NLGN1: variants seen among roughly 807,000 people sequenced by gnomAD.
The protein encoded by NLGN1 is neuroligin 1, also known as neuroligin-1.
In NLGN1, 12 loss-of-function variants were observed where a neutral mutation model predicts 65.5. The observed-to-expected ratio is 0.18, with a 90% confidence interval of 0.12 to 0.30. The LOEUF is 0.30. Ranked by LOEUF, NLGN1 falls within the 10% of genes least tolerant of loss-of-function variation. The pLI is 1.00. For synonymous variants in NLGN1, 350 were observed against 359.5 expected, an observed-to-expected ratio of 0.97 and a Z score of 0.30; for missense variants, 750 against 1,007.1, an observed-to-expected ratio of 0.74 and a Z score of 3.46.
intron 3 of NLGN1, among the ~76,000 whole-genome samples, chr3:173,687,737 G>A (rs1038699844): frequency 1.3e-5 from 2 of 152,180 alleles, no homozygotes; most frequent in Non-Finnish European, 2.9e-5. Flanking sequence ...GTCTTTGAAA[G>A]TTGTGTCAGA....
At chr3:174,151,577 T>G (rs1201905872) in intron 4 of NLGN1, among the ~76,000 whole-genome samples, 1 of 151,754 alleles carries the variant, frequency 6.6e-6, no homozygotes, top group Non-Finnish European at 1.5e-5. Flanking sequence ...ACAGACAGAT[T>G]AAGTTTCTAT....
intron 3 of NLGN1, among the ~76,000 whole-genome samples, chr3:173,700,783 T>G (rs1438492538): frequency 2.0e-5 from 3 of 152,168 alleles, no homozygotes; most frequent in African/African-American, 4.8e-5. Flanking sequence ...AATGCTAATG[T>G]GTATGTTTGA....
chr3:174,118,531 T>G (rs1345482066), intron 4 of NLGN1, among the ~76,000 whole-genome samples: 1 of 152,096 alleles, frequency 6.6e-6, no homozygotes, highest in Non-Finnish European at 1.5e-5. Context: ...GCAATAAATG[T>G]TAAGATTTAA....
intron 4 of NLGN1, among the ~76,000 whole-genome samples, chr3:173,992,332 A>G (rs1721294036): frequency 6.6e-6 from 1 of 152,050 alleles, no homozygotes; most frequent in Non-Finnish European, 1.5e-5. Flanking sequence ...GACTCAATTG[A>G]AAAAACAGTG....
intron 2 of NLGN1, among the ~76,000 whole-genome samples, chr3:173,444,324 T>G (rs1234756792): frequency 6.6e-6 from 1 of 152,204 alleles, no homozygotes; most frequent in African/African-American, 2.4e-5. Flanking sequence ...CAGGTAATGC[T>G]GCTCATCAAA....
intron 3 of NLGN1, among the ~76,000 whole-genome samples, chr3:173,694,516 G>A (rs1260458061): frequency 6.6e-6 from 1 of 152,050 alleles, no homozygotes; most frequent in Non-Finnish European, 1.5e-5. Flanking sequence ...CTCTCATATT[G>A]CCTTGTGTGA....
At chr3:173,495,110 G>A (rs1357958888) in intron 2 of NLGN1, among the ~76,000 whole-genome samples, 1 of 151,710 alleles carries the variant, frequency 6.6e-6, no homozygotes, top group Non-Finnish European at 1.5e-5. Context: ...TATATTAACA[G>A]TGTTAAGTCT....
chr3:173,580,457 C>A (rs1477011675), intron 2 of NLGN1, among the ~76,000 whole-genome samples: 1 of 151,870 alleles, frequency 6.6e-6, no homozygotes, highest in Non-Finnish European at 1.5e-5. Context: ...AAGAAATTAG[C>A]AAGCCCATCT....
chr3:173,852,972 T>G (rs1274884942), intron 4 of NLGN1, among the ~76,000 whole-genome samples: 1 of 152,196 alleles, frequency 6.6e-6, no homozygotes, highest in East Asian at 1.9e-4. Flanking sequence ...ATTTGTAGCC[T>G]TCAAATCCAC....
chr3:174,256,677 C>T (rs1745831914), intron 4 of NLGN1, among the ~76,000 whole-genome samples: 1 of 152,090 alleles, frequency 6.6e-6, no homozygotes, highest in Non-Finnish European at 1.5e-5. Context: ...TACCCCTATA[C>T]TCCAAAACTT....
intron 3 of NLGN1, among the ~76,000 whole-genome samples, chr3:173,631,142 A>G (rs1252830943): frequency 6.6e-6 from 1 of 152,160 alleles, no homozygotes; most frequent in Non-Finnish European, 1.5e-5. Flanking sequence ...GTTATTTTAA[A>G]TTAAATTTGT....
intron 3 of NLGN1, among the ~76,000 whole-genome samples, chr3:173,613,388 C>A (rs991830631): frequency 5.3e-5 from 8 of 152,062 alleles, no homozygotes; most frequent in African/African-American, 1.9e-4. Flanking sequence ...AATGAATTTT[C>A]TGTGCCCTCC....
intron 4 of NLGN1, among the ~76,000 whole-genome samples, chr3:174,004,221 G>A (rs1005039162): frequency 5.9e-5 from 9 of 152,064 alleles, no homozygotes; most frequent in African/African-American, 2.2e-4. Context: ...ACATTAGTTA[G>A]AATCATTTAA....
chr3:173,456,637 A>G (rs976490590), intron 2 of NLGN1, among the ~76,000 whole-genome samples: 1 of 152,166 alleles, frequency 6.6e-6, no homozygotes, highest in African/African-American at 2.4e-5. Context: ...GGGGCCATTT[A>G]TGGAGGTGTA....
intron 4 of NLGN1, among the ~76,000 whole-genome samples, chr3:174,018,174 C>T (rs1044602289): frequency 6.6e-6 from 1 of 152,186 alleles, no homozygotes; most frequent in Non-Finnish European, 1.5e-5. Flanking sequence ...CCGTCTGGCT[C>T]TCAGGCAGCC....
At chr3:174,005,448 A>G (rs1724170190) in intron 4 of NLGN1, among the ~76,000 whole-genome samples, 1 of 152,170 alleles carries the variant, frequency 6.6e-6, no homozygotes, top group Admixed American at 6.6e-5. Flanking sequence ...AAATGAATGT[A>G]CCAATGAAAT....
chr3:173,975,398 C>T (rs1717208403), intron 4 of NLGN1, among the ~76,000 whole-genome samples: 1 of 151,856 alleles, frequency 6.6e-6, no homozygotes, highest in Non-Finnish European at 1.5e-5. Context: ...GAGAGAATGA[C>T]AAGACAAGAA....
intron 2 of NLGN1, among the ~76,000 whole-genome samples, chr3:173,479,696 C>T (rs1481950241): frequency 6.6e-6 from 1 of 151,828 alleles, no homozygotes; most frequent in Non-Finnish European, 1.5e-5. Context: ...TATAGAGACC[C>T]CAGACAAGAC....
At chr3:173,841,920 A>G (rs1213412483) in intron 4 of NLGN1, among the ~76,000 whole-genome samples, 2 of 152,206 alleles carry the variant, frequency 1.3e-5, no homozygotes, top group Non-Finnish European at 2.9e-5. Context: ...TAAGAAATAT[A>G]TGCTTAATGG....
Sources: gnomAD v4.1 joint callset for allele counts (sites outside exome capture counted in the v4.1 genomes callset) on GRCh38, gnomAD v4.1.1 for gene constraint, MANE v1.5 for transcripts, NCBI Gene and HGNC (gene_info 2026-07-23, HGNC 2026-07-21) for gene names.